NOTCH2: variants seen among roughly 807,000 people sequenced by gnomAD.
NOTCH2 encodes neurogenic locus notch homolog protein 2.
Under a neutral mutation model 235.8 loss-of-function variants are expected in NOTCH2, and 29 were observed. That is an observed-to-expected ratio of 0.12 (90% CI 0.09 to 0.17). The LOEUF is 0.17. Among genes scored for constraint, NOTCH2 ranks in the 10% least tolerant of loss-of-function variants. The pLI is 1.00. For missense variants in NOTCH2, 2,285 were observed against 3,150.2 expected (o/e 0.73, Z 6.57); for synonymous variants, 1,086 against 1,141.5 (o/e 0.95, Z 0.98).
chr1:119,982,227 T>C (rs1341656300), intron 5 of NOTCH2, among the ~76,000 whole-genome samples: 2 of 152,184 alleles, frequency 1.3e-5, no homozygotes, highest in East Asian at 3.8e-4. Flanking sequence ...AGAGAAAGTG[T>C]GGTCAGTTTT....
chr1:119,976,708 C>A (rs1651592737), intron 5 of NOTCH2, among the ~76,000 whole-genome samples: 2 of 152,084 alleles, frequency 1.3e-5, no homozygotes. Flanking sequence ...ATTCTAACAC[C>A]TACCAGTGTT....
At chr1:120,025,695 G>GAC (rs1296301029) in intron 2 of NOTCH2, among the ~76,000 whole-genome samples, 1,081 of 103,134 alleles carry the variant, frequency 0.01, no homozygotes, top group African/African-American at 0.046. Context: ...CACATCCATA[G>GAC]ACAACCCAGA....
rs1287945570 is a variant in NOTCH2, at chr1:119,937,187, A to G, written c.3522+95T>C. ...TGGTAAAAATCTATAAACTATCAATATAAGATACAAGCAGCTAAATTCAAT... is the reference window on the plus strand; with the variant it reads ...TGGTAAAAATCTATAAACTATCAATGTAAGATACAAGCAGCTAAATTCAAT... On this transcript the variant is annotated intron_variant, in intron 21 of 33. Coordinates refer to ENST00000256646, the MANE Select transcript of NOTCH2 (RefSeq NM_024408.4). The G allele has an allele frequency of 4.9e-6, 6 of 1,222,076 alleles. No individual in the cohort carries two copies. The African/African-American group carries it at 5.9e-5, about 12-fold the overall frequency. The allele number at this position is 1,222,076 out of a possible 1,614,324, so 75.7% of individuals were successfully genotyped here.
chr1:119,986,956 A>G lies in NOTCH2; in HGVS notation c.874+4T>C, dbSNP rs372355805. On this transcript the variant is annotated splice_donor_region_variant and intron_variant, in intron 5 of 33. Transcript: ENST00000256646. The stretch of plus-strand genomic sequence containing the variant: ...TTCTGGTGGATTCTCCACACTGTAC[A>G]TACCTGTCCATTGTGGGGGACAGCG... 27 of 1,613,420 alleles carry G rather than the reference A, an allele frequency of 1.7e-5. No homozygotes were observed. In the South Asian group the frequency reaches 1.9e-4, roughly 11 times the overall value.
At chr1:119,917,616 C>G in intron 33 of NOTCH2, 49 bp downstream of exon 33, 7 of 1,176,938 alleles carry the variant, frequency 5.9e-6, no homozygotes, top group Non-Finnish European at 9.0e-6. Flanking sequence ...GGGCTTATAA[C>G]TGAGGCACTG....
chr1:119,971,997 G>A (rs1553200414), intron 5 of NOTCH2, among the ~76,000 whole-genome samples: 1 of 151,910 alleles, frequency 6.6e-6, no homozygotes, highest in Non-Finnish European at 1.5e-5. Flanking sequence ...GAGGAAGGAA[G>A]GGAGAAGATG....
chr1:119,987,212 A>G (rs1304993388), intron 4 of NOTCH2, 130 bp from the exon 5 acceptor site: 1 of 1,050,942 alleles, frequency 9.5e-7, no homozygotes, highest in African/African-American at 1.6e-5. Flanking sequence ...CTCACCCAGG[A>G]CTCACCATAT....
In NOTCH2 at chr1:120,048,332, C is replaced by A. The variant is rs188883024; in HGVS notation, c.74-18345G>T. Among the ~76,000 whole-genome samples, 275 of 137,924 alleles carry A rather than the reference C, an allele frequency of 2.0e-3. 30 individuals are homozygous for A. The highest frequency in any genetic ancestry group is 8.3e-3 in the African/African-American group (266 of 31,996). The allele number at this position is 137,924 out of a possible 152,430, so 90.5% of individuals were successfully genotyped here. A position where few individuals can be genotyped will look rare whatever the true frequency, so the allele number is the denominator to read the frequency against. The stretch of plus-strand genomic sequence containing the variant: ...TTTTCCCCCAAAGTGCTGTTGGAGA[C>A]CTACCAAATTGGTTTCATGACCCAT... On this transcript the variant is annotated intron_variant, in intron 1 of 33. Coordinates refer to ENST00000256646, the MANE Select transcript of NOTCH2 (RefSeq NM_024408.4).
intron 31 of NOTCH2, among the ~76,000 whole-genome samples, chr1:119,918,847 G>A (rs145108704): frequency 9.8e-4 from 149 of 152,346 alleles, no homozygotes; most frequent in Non-Finnish European, 1.7e-3. Flanking sequence ...TCAGGATACA[G>A]CCTAAGGTGA....
At chr1:120,040,948 G>A (rs1459507643) in intron 1 of NOTCH2, among the ~76,000 whole-genome samples, 3 of 146,114 alleles carry the variant, frequency 2.1e-5, no homozygotes, top group Non-Finnish European at 4.5e-5. Context: ...GTCTGAGGCA[G>A]GAGAATGGAA....
chr1:119,955,753 T>C (rs1446050038), intron 12 of NOTCH2, among the ~76,000 whole-genome samples: 2 of 142,850 alleles, frequency 1.4e-5, no homozygotes, highest in Non-Finnish European at 3.0e-5. Context: ...TTATTTTGTT[T>C]TCATTCTTAG....
chr1:119,982,579 C>T (rs1553201781), intron 5 of NOTCH2, among the ~76,000 whole-genome samples: 1 of 152,260 alleles, frequency 6.6e-6, no homozygotes. Context: ...CAGAACTTCT[C>T]TGATAAGATG....
chr1:119,932,903 C>T (rs1332505274), intron 22 of NOTCH2, among the ~76,000 whole-genome samples: 3 of 151,996 alleles, frequency 2.0e-5, no homozygotes, highest in African/African-American at 7.3e-5. Flanking sequence ...GAAAATTTGC[C>T]CACCAGAAGA....
At chr1:120,017,379 G>A (rs1239390613) in intron 2 of NOTCH2, among the ~76,000 whole-genome samples, 5 of 152,002 alleles carry the variant, frequency 3.3e-5, no homozygotes, top group African/African-American at 7.2e-5. Flanking sequence ...TACCCCCTCT[G>A]TTCTTATAAC....
chr1:119,979,476 A>G (rs1180946702), intron 5 of NOTCH2, among the ~76,000 whole-genome samples: 3 of 152,212 alleles, frequency 2.0e-5, no homozygotes, highest in Non-Finnish European at 4.4e-5. Flanking sequence ...TTTGATATCT[A>G]GTCAAGATAC....
At chr1:120,027,610 A>G (rs1234761137) in intron 2 of NOTCH2, among the ~76,000 whole-genome samples, 7 of 151,660 alleles carry the variant, frequency 4.6e-5, no homozygotes, top group African/African-American at 1.7e-4. Context: ...ATTCATCCTA[A>G]TGCTCTCCCT....
At chr1:119,970,402 A>G in intron 5 of NOTCH2, among the ~76,000 whole-genome samples, 1 of 152,226 alleles carries the variant, frequency 6.6e-6, no homozygotes, top group East Asian at 1.9e-4. Context: ...TATGGATGTG[A>G]AGGGCAAGGC....
At chr1:119,933,721 G>C (rs1000584763) in intron 22 of NOTCH2, among the ~76,000 whole-genome samples, 10 of 152,108 alleles carry the variant, frequency 6.6e-5, no homozygotes, top group Admixed American at 6.5e-4. Flanking sequence ...CAAAAATTTT[G>C]TTTCCTTCTG....
At chr1:119,974,615 T>A (rs1376776773) in intron 5 of NOTCH2, among the ~76,000 whole-genome samples, 2 of 152,348 alleles carry the variant, frequency 1.3e-5, no homozygotes, top group Admixed American at 1.3e-4. Context: ...CTAACCACAA[T>A]AACTTTTGTT....
Sources: allele counts gnomAD v4.1 joint callset (sites outside exome capture counted in the v4.1 genomes callset), GRCh38; gene constraint gnomAD v4.1.1; transcripts MANE v1.5; gene names NCBI Gene and HGNC (gene_info 2026-07-23, HGNC 2026-07-21).